IQCH: variants seen among roughly 807,000 people sequenced by gnomAD.
IQCH encodes the protein IQ motif containing H.
A neutral mutation model predicts 117.0 loss-of-function variants in IQCH; 98 were observed. That is an observed-to-expected ratio of 0.84 (90% CI 0.71 to 0.99). The LOEUF (loss-of-function observed/expected upper bound fraction) is 0.99, where lower values mean the gene tolerates loss of function less well. Among genes scored for constraint, IQCH ranks in the 50% least tolerant of loss-of-function variants. The pLI is 0.00. For synonymous variants in IQCH, 412 were observed against 448.2 expected (o/e 0.92, Z 1.02); for missense variants, 1,102 against 1,243.8 (o/e 0.89, Z 1.72).
In IQCH at chr15:67,342,759, G is replaced by A. The variant is rs1006023333; in HGVS notation, c.509-1304G>A. Among the ~76,000 whole-genome samples, 1 of 152,094 alleles carries A rather than the reference G, an allele frequency of 6.6e-6. No individual in the cohort carries two copies. Among genetic ancestry groups the A allele is most frequent in the East Asian group, 1.9e-4 (1 of 5,192 alleles). ...TATACTCTGGATCAGTAATTCTTAA[G>A]TGTTAAGAGTACAAAAGATTAACCT... On this transcript the variant is annotated intron_variant, in intron 5 of 20. Transcript: ENST00000335894. The surrounding 1 kb of genome is among the most constrained non-coding windows in gnomAD (Gnocchi z 4.7).
At chr15:67,296,564 C>T (rs955234886) in intron 4 of IQCH, among the ~76,000 whole-genome samples, 2 of 152,056 alleles carry the variant, frequency 1.3e-5, no homozygotes, top group African/African-American at 2.4e-5. Context: ...CAAAGAGACC[C>T]ATCTGAGGGA....
chr15:67,411,591 T>C lies in IQCH; in HGVS notation c.2098-5340T>C, dbSNP rs1376527310. On this transcript the variant is annotated intron_variant, in intron 14 of 20. Coordinates refer to ENST00000335894, the MANE Select transcript of IQCH (RefSeq NM_001031715.3). This position sits in a 1 kb window ranked among gnomAD's most constrained non-coding sequence, Gnocchi z 4.4. Reference sequence around the variant, plus strand: ...AACCAAAAAGTTATTAATTCACCACTGCAGATTGGCACATGACCCAATTAC... The same window carrying C: ...AACCAAAAAGTTATTAATTCACCACCGCAGATTGGCACATGACCCAATTAC... 6.6e-6 allele frequency among the ~76,000 whole-genome samples: 1 copy of C among 152,174 alleles called. No individual in the cohort carries two copies. Among genetic ancestry groups the C allele is most frequent in the African/African-American group, 2.4e-5 (1 of 41,454 alleles).
rs1003353175 is a variant in IQCH at position 67,463,908 on chromosome 15, T to C, written c.2506-1219T>C. 6.6e-6 allele frequency among the ~76,000 whole-genome samples: 1 copy of C among 152,204 alleles called. No individual in the cohort carries two copies. The highest frequency in any genetic ancestry group is 1.5e-5 in the Non-Finnish European group (1 of 68,040). On this transcript the variant is annotated intron_variant, in intron 16 of 20. Coordinates refer to ENST00000335894, the MANE Select transcript of IQCH (RefSeq NM_001031715.3). This position sits in a 1 kb window ranked among gnomAD's most constrained non-coding sequence, Gnocchi z 4.0. ...CCCAGGCTGGACTGTAGTGGTCTGA[T>C]CTCGGCTCACTGAAACCTCTGCCTC... is the stretch of plus-strand genomic sequence containing the variant.
intron 3 of IQCH, among the ~76,000 whole-genome samples, chr15:67,265,689 T>C (rs1335203792): frequency 6.6e-6 from 1 of 152,192 alleles, no homozygotes; most frequent in Admixed American, 6.5e-5. Context: ...ATCCCAGAGA[T>C]GGGAGACTAT....
rs1324015377 is a variant in IQCH at position 67,365,810 on chromosome 15, A to G, written c.753+5925A>G. On this transcript the variant is annotated intron_variant, in intron 8 of 20. Coordinates refer to ENST00000335894, the MANE Select transcript of IQCH (RefSeq NM_001031715.3). This position sits in a 1 kb window ranked among gnomAD's most constrained non-coding sequence, Gnocchi z 4.4. The stretch of plus-strand genomic sequence containing the variant: ...CCGGGTGTGGTGGCGCGTGCCTGTA[A>G]TCCTGGCTGCTCAGGAAGCTGAGGC... 1.3e-5 allele frequency among the ~76,000 whole-genome samples: 2 copies of G among 152,124 alleles called. No homozygotes were observed. Among genetic ancestry groups the G allele is most frequent in the Non-Finnish European group, 2.9e-5 (2 of 68,028 alleles).
rs1475598490 is a variant in IQCH at position 67,370,965 on chromosome 15, G to T, written c.754-1146G>T. ...GTAATCATTATGGATAAATTGCTGGGGGGGGTTTTCTTTGAGTTTTTTGAA... is the reference window on the plus strand; with the variant it reads ...GTAATCATTATGGATAAATTGCTGGTGGGGGTTTTCTTTGAGTTTTTTGAA... On this transcript the variant is annotated intron_variant, in intron 8 of 20. Transcript: ENST00000335894. This position sits in a 1 kb window ranked among gnomAD's most constrained non-coding sequence, Gnocchi z 5.6. Among the ~76,000 whole-genome samples the T allele has an allele frequency of 2.0e-5, 3 of 151,476 alleles. No individual in the cohort carries two copies. The highest frequency in any genetic ancestry group is 1.3e-4 in the Admixed American group (2 of 15,186).
rs1431900306 is a variant in IQCH, at chr15:67,323,965, A to G, written c.388-13010A>G. 9.8e-4 allele frequency among the ~76,000 whole-genome samples: 91 copies of G among 93,156 alleles called. 4 individuals carry two copies. In the East Asian group the frequency reaches 0.019, roughly 19 times the overall value. 61.1% of individuals were successfully genotyped at this position (93,156 alleles called of 152,430 possible). The stretch of plus-strand genomic sequence containing the variant: ...TTTTTTTTTTTTTTTTTTTTTTGAG[A>G]TGGAGTCTTGCTCTGTTACCCCGGC... On this transcript the variant is annotated intron_variant, in intron 4 of 20. Coordinates refer to ENST00000335894, the MANE Select transcript of IQCH (RefSeq NM_001031715.3).
intron 4 of IQCH, among the ~76,000 whole-genome samples, chr15:67,302,011 G>T (rs1967069269): frequency 6.6e-6 from 1 of 152,014 alleles, no homozygotes; most frequent in African/African-American, 2.4e-5. Context: ...AACACTACAG[G>T]ATTTTAAGGC....
chr15:67,497,668 T>C (rs1425371790), intron 20 of IQCH, among the ~76,000 whole-genome samples: 1 of 152,116 alleles, frequency 6.6e-6, no homozygotes, highest in African/African-American at 2.4e-5. Flanking sequence ...TAATTTTTTA[T>C]ATTTTTAGTA....
chr15:67,480,153 A>G (rs1472662737), intron 18 of IQCH, among the ~76,000 whole-genome samples: 1 of 152,208 alleles, frequency 6.6e-6, no homozygotes, highest in African/African-American at 2.4e-5. Flanking sequence ...GTCACCAGCA[A>G]TCATTTCCTC....
intron 4 of IQCH, among the ~76,000 whole-genome samples, chr15:67,322,258 T>C (rs1222212297): frequency 6.6e-6 from 1 of 152,228 alleles, no homozygotes; most frequent in East Asian, 1.9e-4. Context: ...TCCTCTCTCA[T>C]AGTTCTTTTT....
At chr15:67,471,775 T>C (rs1567216110) in intron 17 of IQCH, among the ~76,000 whole-genome samples, 1 of 152,244 alleles carries the variant, frequency 6.6e-6, no homozygotes, top group African/African-American at 2.4e-5. Flanking sequence ...TCCTATGCTA[T>C]TCACTTGTGC....
chr15:67,395,072 GTTC>G lies in IQCH; in HGVS notation c.1633-217_1633-215del, dbSNP rs1971418401. ...AATAAATACAGACGTGTAGTAATTAGTTCTATTCCCAGTGAGCCTATTTCCAAC... is the reference window on the plus strand; with the variant it reads ...AATAAATACAGACGTGTAGTAATTAGTATTCCCAGTGAGCCTATTTCCAAC... On this transcript the variant is annotated intron_variant, in intron 12 of 20. Coordinates refer to ENST00000335894, the MANE Select transcript of IQCH (RefSeq NM_001031715.3). The surrounding 1 kb of genome is among the most constrained non-coding windows in gnomAD (Gnocchi z 4.0). Among the ~76,000 whole-genome samples, 1 of 152,126 alleles carries G rather than the reference GTTC, an allele frequency of 6.6e-6. No individual in the cohort carries two copies. The highest frequency in any genetic ancestry group is 1.5e-5 in the Non-Finnish European group (1 of 68,034).
rs776693189 is a variant in IQCH at position 67,373,482 on chromosome 15, A to G, written c.1372+49A>G. ...CTATCAGCAACCTCTATTACCCACC[A>G]CATTATGGCTCCTTGATTGAGTTCA... On this transcript the variant is annotated intron_variant, in intron 10 of 20. Coordinates refer to ENST00000335894, the MANE Select transcript of IQCH (RefSeq NM_001031715.3). 93 of 1,178,554 alleles carry G rather than the reference A, an allele frequency of 7.9e-5. No homozygotes were observed. The South Asian group carries it at 1.1e-3, about 14-fold the overall frequency. The allele number at this position is 1,178,554 out of a possible 1,614,324, so 73.0% of individuals were successfully genotyped here.
At chr15:67,450,857 C>CT (rs1305734799) in intron 16 of IQCH, among the ~76,000 whole-genome samples, 1 of 152,062 alleles carries the variant, frequency 6.6e-6, no homozygotes, top group Admixed American at 6.5e-5. Context: ...TGGTCCTGGA[C>CT]TTTTTTTGGT....
At position 67,305,155 on chromosome 15, in the gene IQCH, T is replaced by A. The variant is rs1245188838; in HGVS notation, c.387+25643T>A. ...CAATTACTGAGGTAACATCTCTATT[T>A]TTTTAAATACATTTTTAACCTTTGG... On this transcript the variant is annotated intron_variant, in intron 4 of 20. Transcript: ENST00000335894. Among the ~76,000 whole-genome samples, 3 of 152,140 alleles carry A rather than the reference T, an allele frequency of 2.0e-5. No homozygotes were observed. The East Asian group carries it at 5.8e-4, about 29-fold the overall frequency.
chr15:67,255,688 G>C (rs748193194), intron 1 of IQCH, among the ~76,000 whole-genome samples: 2 of 152,170 alleles, frequency 1.3e-5, no homozygotes, highest in Non-Finnish European at 2.9e-5. Context: ...ATTTGTCTAA[G>C]GTCACTCTGT....
intron 16 of IQCH, among the ~76,000 whole-genome samples, chr15:67,452,089 C>T (rs950635297): frequency 5.3e-5 from 8 of 152,128 alleles, no homozygotes; most frequent in African/African-American, 1.7e-4. Flanking sequence ...AGATCTTCCT[C>T]CATCCTTTTA....
chr15:67,317,299 T>C (rs1967894038), intron 4 of IQCH, among the ~76,000 whole-genome samples: 2 of 152,120 alleles, frequency 1.3e-5, no homozygotes, highest in East Asian at 3.8e-4. Context: ...ACCTCCTAGG[T>C]TCAAGTGATT....
Sources: gnomAD v4.1 joint callset for allele counts (sites outside exome capture counted in the v4.1 genomes callset) on GRCh38, gnomAD v4.1.1 for gene constraint, Gnocchi (gnomAD v3.1) non-coding constraint, MANE v1.5 for transcripts, NCBI Gene and HGNC (gene_info 2026-07-23, HGNC 2026-07-21) for gene names.